LSM8: variants seen among roughly 807,000 people sequenced by gnomAD.
LSM8 encodes the protein LSM8 U6 small nuclear RNA associated.
A neutral mutation model predicts 15.0 loss-of-function variants in LSM8; 14 were observed. The ratio of observed to expected loss-of-function variants is 0.93; its 90% CI spans 0.62 to 1.46. The LOEUF (loss-of-function observed/expected upper bound fraction) is 1.46, where lower values mean the gene tolerates loss of function less well. Among genes scored for constraint, LSM8 ranks in the 40% most tolerant of loss-of-function variants. LSM8 has a pLI of 0.00. For missense variants in LSM8, 90 were observed against 115.4 expected (o/e 0.78, Z 1.01); for synonymous variants, 50 against 42.1 (o/e 1.19, Z -0.73).
rs761012728 is a variant in LSM8 at position 118,188,356 on chromosome 7, G to A, written c.151G>A (p.Gly51Arg). 4 of 1,613,340 alleles carry A rather than the reference G, an allele frequency of 2.5e-6. No homozygotes were observed. Among genetic ancestry groups the A allele is most frequent in the Non-Finnish European group, 1.7e-6 (2 of 1,179,372 alleles). Reference protein sequence around the residue: ...SHERVFSSSQGVEQVVLGLYI... With the variant: ...SHERVFSSSQRVEQVVLGLYI... ...TGAACGAGTATTCAGCTCTTCACAG[G>A]GGGTAGAACAAGTGGTACTAGGATT... Residue 51 changes from glycine (G) to arginine (R), a missense_variant, in exon 3 of 4, where the codon GGG becomes AGG. Transcript: ENST00000249299.
rs1809005359 is a variant in LSM8 at position 118,192,729 on chromosome 7, C to A, written c.*727C>A. 1.3e-5 allele frequency: 2 copies of A among 151,974 alleles called. No homozygotes were observed. The highest frequency in any genetic ancestry group is 6.6e-5 in the Admixed American group (1 of 15,264). The allele number at this position is 151,974 out of a possible 1,614,324, so 9.4% of individuals were successfully genotyped here. A position where few individuals can be genotyped will look rare whatever the true frequency, so the allele number is the denominator to read the frequency against. Reference sequence around the variant, plus strand: ...CAGTATATTTGAAAAAAATTGATTCCATGTAGTCTTCAATTTTTAATTTTT... The same window carrying A: ...CAGTATATTTGAAAAAAATTGATTCAATGTAGTCTTCAATTTTTAATTTTT... On this transcript the variant is annotated 3_prime_UTR_variant, in exon 4 of 4. Coordinates refer to ENST00000249299, the MANE Select transcript of LSM8 (RefSeq NM_016200.5).
At chr7:118,185,454 C>G (rs1405630189) in intron 1 of LSM8, 200 bp from the exon 2 acceptor site, 3 of 547,758 alleles carry the variant, frequency 5.5e-6, no homozygotes, top group Non-Finnish European at 9.8e-6. Context: ...CTGTGTTGCC[C>G]AAGCTGGTCT....
At position 118,195,138 on chromosome 7, in the gene LSM8, T is replaced by C. The variant is rs1278988637; in HGVS notation, c.*3136T>C. Among the ~76,000 whole-genome samples, 1 of 152,132 alleles carries C rather than the reference T, an allele frequency of 6.6e-6. No homozygotes were observed. The highest frequency in any genetic ancestry group is 6.5e-5 in the Admixed American group (1 of 15,270). On this transcript the variant is annotated 3_prime_UTR_variant, in exon 4 of 4. Coordinates refer to ENST00000249299, the MANE Select transcript of LSM8 (RefSeq NM_016200.5). ...CAATTACCTAAGGTGCTTTAAAAATTTTCTTGGGCCCTACTCGTTGTGGTT... is the reference window on the plus strand; with the variant it reads ...CAATTACCTAAGGTGCTTTAAAAATCTTCTTGGGCCCTACTCGTTGTGGTT...
rs1021381034 is a variant in LSM8 at position 118,193,706 on chromosome 7, A to G, written c.*1704A>G. The stretch of plus-strand genomic sequence containing the variant: ...AATATTGTAGTATATGGCATTTTGA[A>G]TTGGTAAAGTAATTCCAAAAATTAA... On this transcript the variant is annotated 3_prime_UTR_variant, in exon 4 of 4. Coordinates refer to ENST00000249299, the MANE Select transcript of LSM8 (RefSeq NM_016200.5). Among the ~76,000 whole-genome samples, 8 of 152,148 alleles carry G rather than the reference A, an allele frequency of 5.3e-5. No homozygotes were observed. Among genetic ancestry groups the G allele is most frequent in the Non-Finnish European group, 1.0e-4 (7 of 67,982 alleles).
In LSM8 at chr7:118,201,528, A is replaced by C. The variant is rs1423739146; in HGVS notation, c.*9526A>C. ...TTTATAATGTACAACCAAGAATCTC[A>C]ATATTTATTATTTTGCATTAAATAT... On this transcript the variant is annotated 3_prime_UTR_variant, in exon 4 of 4. Coordinates refer to ENST00000249299, the MANE Select transcript of LSM8 (RefSeq NM_016200.5). Among the ~76,000 whole-genome samples the C allele has an allele frequency of 2.0e-5, 3 of 152,104 alleles. No individual in the cohort carries two copies. Among genetic ancestry groups the C allele is most frequent in the Non-Finnish European group, 4.4e-5 (3 of 67,980 alleles).
rs1319412870 is a variant in LSM8 at position 118,197,591 on chromosome 7, T to G, written c.*5589T>G. Among the ~76,000 whole-genome samples, 1 of 151,978 alleles carries G rather than the reference T, an allele frequency of 6.6e-6. No homozygotes were observed. The highest frequency in any genetic ancestry group is 2.1e-4 in the South Asian group (1 of 4,832). Reference sequence around the variant, plus strand: ...CACAATGATAGTTAAAAGTTAAATTTTTTATTTTAAAATTTAAATTTTTAT... The same window carrying G: ...CACAATGATAGTTAAAAGTTAAATTGTTTATTTTAAAATTTAAATTTTTAT... On this transcript the variant is annotated 3_prime_UTR_variant, in exon 4 of 4. Coordinates refer to ENST00000249299, the MANE Select transcript of LSM8 (RefSeq NM_016200.5).
rs752801183 is a variant in LSM8, at chr7:118,191,898, TCTGA to T, written c.201-11_201-8del. 1.1e-5 allele frequency: 18 copies of T among 1,587,626 alleles called. No homozygotes were observed. In the East Asian group the frequency reaches 4.0e-4, roughly 36 times the overall value. On this transcript the variant is annotated splice_polypyrimidine_tract_variant and intron_variant, in intron 3 of 3. Transcript: ENST00000249299. ...ATTTCAGAAATGTGATTGTTTTAAC[TCTGA>T]CTTTTTTAGTGCAGTCATTGGAGAA...
At chr7:118,185,904 A>G (rs1370481263) in intron 2 of LSM8, among the ~76,000 whole-genome samples, 1 of 152,142 alleles carries the variant, frequency 6.6e-6, no homozygotes, top group African/African-American at 2.4e-5. Context: ...CGGAGCTAGA[A>G]TAATAGATTC....
In LSM8 at chr7:118,191,936, A is replaced by C. The variant is rs1035704353; in HGVS notation, c.225A>C (p.Glu75Asp). ...DNVAVIGEID[E>D]ETDSALDLGN... ...GTGCAGTCATTGGAGAAATCGATGAAGAAACAGATTCTGCGCTTGATTTGG... is the reference window on the plus strand; with the variant it reads ...GTGCAGTCATTGGAGAAATCGATGACGAAACAGATTCTGCGCTTGATTTGG... Residue 75 changes from glutamate (E) to aspartate (D), a missense_variant, in exon 4 of 4, where the codon GAA becomes GAC. By Grantham distance (45) the Glu-to-Asp change is conservative (BLOSUM62 2). Transcript: ENST00000249299. 3.7e-6 allele frequency: 6 copies of C among 1,612,810 alleles called. No homozygotes were observed. The highest frequency in any genetic ancestry group is 4.2e-6 in the Non-Finnish European group (5 of 1,179,346).
At position 118,196,387 on chromosome 7, in the gene LSM8, A is replaced by G. The variant is rs1433915821; in HGVS notation, c.*4385A>G. Among the ~76,000 whole-genome samples the G allele has an allele frequency of 7.4e-6, 1 of 135,398 alleles. No homozygotes were observed. The highest frequency in any genetic ancestry group is 7.8e-5 in the Admixed American group (1 of 12,832). 88.8% of individuals were successfully genotyped at this position (135,398 alleles called of 152,430 possible). On this transcript the variant is annotated 3_prime_UTR_variant, in exon 4 of 4. Coordinates refer to ENST00000249299, the MANE Select transcript of LSM8 (RefSeq NM_016200.5). ...GTCTTTTTAAAATAAATATAATTCA[A>G]GTCAATTATTTTCCCCATCTATTTT...
rs1270421896 is a variant in LSM8, at chr7:118,203,805, A to T, written c.*11803A>T. Among the ~76,000 whole-genome samples, 2 of 151,734 alleles carry T rather than the reference A, an allele frequency of 1.3e-5. No homozygotes were observed. The highest frequency in any genetic ancestry group is 3.0e-5 in the Non-Finnish European group (2 of 67,768). On this transcript the variant is annotated 3_prime_UTR_variant, in exon 4 of 4. Transcript: ENST00000249299. ...TATGTGCACATGTATATTATAATAT[A>T]CTCATCCTTTATATTTATCATGCTT...
Position 118,196,221 on chromosome 7 carries a change from G to A in LSM8, c.*4219G>A, listed in dbSNP as rs1809074916. 1.3e-5 allele frequency among the ~76,000 whole-genome samples: 2 copies of A among 152,174 alleles called. No individual in the cohort carries two copies. The highest frequency in any genetic ancestry group is 1.3e-4 in the Admixed American group (2 of 15,272). On this transcript the variant is annotated 3_prime_UTR_variant, in exon 4 of 4. Coordinates refer to ENST00000249299, the MANE Select transcript of LSM8 (RefSeq NM_016200.5). ...GGAACAGTATTCTTGTGCTTGTGAA[G>A]CTTCTATCTGTCTGTATCTACCTCA... is the stretch of plus-strand genomic sequence containing the variant.
chr7:118,186,170 T>G (rs1006831662), intron 2 of LSM8, among the ~76,000 whole-genome samples: 2 of 151,454 alleles, frequency 1.3e-5, no homozygotes, highest in Admixed American at 6.6e-5. Context: ...TGACTCTCTA[T>G]ATATACACAT....
rs1329591833 is a variant in LSM8 at position 118,204,004 on chromosome 7, A to G, written c.*12002A>G. Among the ~76,000 whole-genome samples the G allele has an allele frequency of 1.3e-5, 2 of 151,818 alleles. No individual in the cohort carries two copies. Among genetic ancestry groups the G allele is most frequent in the Non-Finnish European group, 3.0e-5 (2 of 67,794 alleles). ...TATAGATATATTGCTGTTAATTATT[A>G]CACCTAAAAATAAATTATTTTACAG... On this transcript the variant is annotated 3_prime_UTR_variant, in exon 4 of 4. Transcript: ENST00000249299.
chr7:118,188,676 G>C (rs1014308623), intron 3 of LSM8: 59 of 246,132 alleles, frequency 2.4e-4, no homozygotes, highest in Non-Finnish European at 4.4e-4. Context: ...TAGTTAAGTA[G>C]CCTGGGTAGA....
In LSM8 at chr7:118,193,065, G is replaced by T. The variant is rs1584708021; in HGVS notation, c.*1063G>T. ...CTTGTAATTGAAACAAATTTAAATA[G>T]TTTATTTGTTTTGTTTTTATGAAAG... On this transcript the variant is annotated 3_prime_UTR_variant, in exon 4 of 4. Coordinates refer to ENST00000249299, the MANE Select transcript of LSM8 (RefSeq NM_016200.5). Among the ~76,000 whole-genome samples, 2 of 152,186 alleles carry T rather than the reference G, an allele frequency of 1.3e-5. No individual in the cohort carries two copies.
At position 118,200,741 on chromosome 7, in the gene LSM8, A is replaced by T. The variant is rs1047017367; in HGVS notation, c.*8739A>T. On this transcript the variant is annotated 3_prime_UTR_variant, in exon 4 of 4. Coordinates refer to ENST00000249299, the MANE Select transcript of LSM8 (RefSeq NM_016200.5). ...AAGAGTTTATTCCTTAAGTGTTTGAATTTACACTTTTTTCTCCTGTGACAG... is the reference window on the plus strand; with the variant it reads ...AAGAGTTTATTCCTTAAGTGTTTGATTTTACACTTTTTTCTCCTGTGACAG... 5.3e-5 allele frequency among the ~76,000 whole-genome samples: 8 copies of T among 152,054 alleles called. No homozygotes were observed. Among genetic ancestry groups the T allele is most frequent in the African/African-American group, 1.9e-4 (8 of 41,428 alleles).
At chr7:118,186,165 C>G (rs1200119177) in intron 2 of LSM8, among the ~76,000 whole-genome samples, 2 of 151,426 alleles carry the variant, frequency 1.3e-5, no homozygotes, top group Non-Finnish European at 3.0e-5. Flanking sequence ...ATGATTGACT[C>G]TCTATATATA....
At position 118,202,282 on chromosome 7, in the gene LSM8, G is replaced by A. The variant is rs886183630; in HGVS notation, c.*10280G>A. The stretch of plus-strand genomic sequence containing the variant: ...CAGTTAGAATGGTATTTGGCTATAA[G>A]CACTGGAAACTCTGACTGCCAGTGG... On this transcript the variant is annotated 3_prime_UTR_variant, in exon 4 of 4. Transcript: ENST00000249299. Among the ~76,000 whole-genome samples, 1 of 152,002 alleles carries A rather than the reference G, an allele frequency of 6.6e-6. No homozygotes were observed. The highest frequency in any genetic ancestry group is 1.5e-5 in the Non-Finnish European group (1 of 67,950).
Sources: gnomAD v4.1 joint callset for allele counts (sites outside exome capture counted in the v4.1 genomes callset) on GRCh38, gnomAD v4.1.1 for gene constraint, MANE v1.5 for transcripts, NCBI Gene and HGNC (gene_info 2026-07-23, HGNC 2026-07-21) for gene names.